The following RIMS2 variants were observed in gnomAD, a reference collection of about 807,000 sequenced individuals.
RIMS2 encodes regulating synaptic membrane exocytosis 2.
A neutral mutation model predicts 174.4 loss-of-function variants in RIMS2; 59 were observed. That is an observed-to-expected ratio of 0.34 (90% CI 0.27 to 0.42). The LOEUF (loss-of-function observed/expected upper bound fraction) is 0.42. Among genes scored for constraint, RIMS2 ranks in the 10% least tolerant of loss-of-function variants. The pLI is 1.00. For synonymous variants in RIMS2, 606 were observed against 572.5 expected (o/e 1.06, Z -0.84); for missense variants, 1,620 against 1,666.3 (o/e 0.97, Z 0.48).
At chr8:103,691,871 A>G (rs1467230576) in intron 1 of RIMS2, among the ~76,000 whole-genome samples, 1 of 152,010 alleles carries the variant, frequency 6.6e-6, no homozygotes, top group African/African-American at 2.4e-5. Flanking sequence ...GGGTATTGTG[A>G]TGTATGTCTT....
At chr8:104,056,086 A>T (rs937582731) in intron 19 of RIMS2, among the ~76,000 whole-genome samples, 1 of 152,174 alleles carries the variant, frequency 6.6e-6, no homozygotes. Flanking sequence ...AAAACAAAAA[A>T]CACTTAAACA....
At chr8:104,179,619 G>A (rs976957295) in intron 19 of RIMS2, among the ~76,000 whole-genome samples, 4 of 151,818 alleles carry the variant, frequency 2.6e-5, no homozygotes, top group Non-Finnish European at 5.9e-5. Context: ...CTGAAGTTAA[G>A]TGGCTCAGCT....
intron 1 of RIMS2, among the ~76,000 whole-genome samples, chr8:103,576,607 A>G (rs997637597): frequency 1.1e-4 from 17 of 152,184 alleles, no homozygotes; most frequent in African/African-American, 4.1e-4. Context: ...AAAAGAGCCC[A>G]TATAACCAAG....
chr8:103,899,282 C>T (rs1055387711), intron 4 of RIMS2, among the ~76,000 whole-genome samples: 12 of 151,660 alleles, frequency 7.9e-5, no homozygotes, highest in Non-Finnish European at 1.3e-4. Flanking sequence ...TTCTAGATCC[C>T]TGAGGAATCG....
At chr8:103,533,185 G>A (rs1331110049) in intron 1 of RIMS2, among the ~76,000 whole-genome samples, 2 of 152,158 alleles carry the variant, frequency 1.3e-5, no homozygotes, top group East Asian at 3.8e-4. Flanking sequence ...TTAAGATATG[G>A]TTAGTTAATT....
At chr8:103,739,879 C>G (rs1048082755) in intron 2 of RIMS2, among the ~76,000 whole-genome samples, 1 of 152,104 alleles carries the variant, frequency 6.6e-6, no homozygotes, top group African/African-American at 2.4e-5. Context: ...ACTGGCTAGT[C>G]TGTTTCTTTG....
chr8:103,999,430 T>A (rs2095288619), intron 17 of RIMS2, among the ~76,000 whole-genome samples: 1 of 151,744 alleles, frequency 6.6e-6, no homozygotes, highest in Admixed American at 6.6e-5. Context: ...TCACTCTTTT[T>A]TGTTATTCTG....
At chr8:103,602,294 T>C (rs1017947833) in intron 1 of RIMS2, among the ~76,000 whole-genome samples, 7 of 152,194 alleles carry the variant, frequency 4.6e-5, no homozygotes, top group Admixed American at 1.3e-4. Flanking sequence ...ATCCATGCTT[T>C]TTTAAAGTTA....
chr8:103,908,786 A>G (rs2075054241), intron 4 of RIMS2, among the ~76,000 whole-genome samples: 2 of 152,190 alleles, frequency 1.3e-5, no homozygotes, highest in Admixed American at 6.5e-5. Context: ...TTGGTGTCAT[A>G]CAACCTAGTC....
chr8:103,950,246 G>A (rs1050155444), intron 14 of RIMS2, among the ~76,000 whole-genome samples: 1 of 152,052 alleles, frequency 6.6e-6, no homozygotes, highest in African/African-American at 2.4e-5. Flanking sequence ...ATATTATAAC[G>A]TTGGGAATAC....
intron 1 of RIMS2, among the ~76,000 whole-genome samples, chr8:103,619,142 G>C (rs536629430): frequency 7.5e-6 from 1 of 132,652 alleles, no homozygotes; most frequent in South Asian, 2.6e-4. Context: ...TACTTGAAAA[G>C]AGAAAAAGCT....
chr8:104,173,429 A>G (rs980271173), intron 19 of RIMS2, among the ~76,000 whole-genome samples: 1 of 152,020 alleles, frequency 6.6e-6, no homozygotes, highest in Admixed American at 6.6e-5. Flanking sequence ...TAATTATAGG[A>G]TAACAATGAC....
intron 19 of RIMS2, among the ~76,000 whole-genome samples, chr8:104,040,944 C>T (rs2096598337): frequency 6.6e-6 from 1 of 151,664 alleles, no homozygotes; most frequent in South Asian, 2.1e-4. Context: ...AGCATTGTAA[C>T]AGACTTTAAA....
intron 2 of RIMS2, among the ~76,000 whole-genome samples, chr8:103,752,023 C>T (rs969745937): frequency 1.2e-4 from 19 of 152,126 alleles, no homozygotes; most frequent in Non-Finnish European, 2.5e-4. Flanking sequence ...GAAGTCCTTG[C>T]CCATGCCTGT....
At chr8:103,517,122 G>A (rs1829384664) in intron 1 of RIMS2, among the ~76,000 whole-genome samples, 1 of 152,162 alleles carries the variant, frequency 6.6e-6, no homozygotes, top group African/African-American at 2.4e-5. Context: ...AAAGAGTCAT[G>A]TAAATAAATA....
At chr8:103,748,320 C>G (rs747471070) in intron 2 of RIMS2, among the ~76,000 whole-genome samples, 1 of 151,932 alleles carries the variant, frequency 6.6e-6, no homozygotes, top group African/African-American at 2.4e-5. Context: ...TGGTGTGTGC[C>G]TGTAGTCCCA....
chr8:104,023,713 A>G (rs985954526), intron 19 of RIMS2, among the ~76,000 whole-genome samples: 1 of 152,132 alleles, frequency 6.6e-6, no homozygotes, highest in Non-Finnish European at 1.5e-5. Context: ...AGAGGTGTGG[A>G]CTGTAGCTAT....
At chr8:103,790,169 A>T (rs77981492) in intron 3 of RIMS2, among the ~76,000 whole-genome samples, 23,941 of 152,152 alleles carry the variant, frequency 0.16, 1,995 homozygotes, top group Middle Eastern at 0.24. Flanking sequence ...GTTTAGTTTA[A>T]TTTTGAAGTT....
chr8:103,569,316 C>CA (rs1386578542), intron 1 of RIMS2, among the ~76,000 whole-genome samples: 2 of 152,064 alleles, frequency 1.3e-5, no homozygotes, highest in Non-Finnish European at 2.9e-5. Context: ...ATAGCCTTTG[C>CA]ACCTTTGTCA....
Sources: allele counts gnomAD v4.1 joint callset (sites outside exome capture counted in the v4.1 genomes callset), GRCh38; gene constraint gnomAD v4.1.1; transcripts MANE v1.5; gene names NCBI Gene and HGNC (gene_info 2026-07-23, HGNC 2026-07-21).